The following MRPL15 variants were observed in gnomAD, a reference collection of about 807,000 sequenced individuals.
MRPL15 encodes mitochondrial ribosomal protein L15.
A neutral mutation model predicts 28.0 loss-of-function variants in MRPL15; 24 were observed. That is an observed-to-expected ratio of 0.86 (90% CI 0.62 to 1.21). The LOEUF (loss-of-function observed/expected upper bound fraction) is 1.21, where lower values mean the gene tolerates loss of function less well. Ranked by LOEUF, MRPL15 falls within the 50% of genes most tolerant of loss-of-function variation. The pLI, the probability that MRPL15 is intolerant of heterozygous loss-of-function variation, is 0.00. For missense variants in MRPL15, 343 were observed against 372.4 expected, an observed-to-expected ratio of 0.92 and a Z score of 0.65; for synonymous variants, 124 against 137.0, an observed-to-expected ratio of 0.90 and a Z score of 0.66.
At chr8:54,140,574 CTTTTTT>C (rs71551976) in intron 3 of MRPL15, among the ~76,000 whole-genome samples, 12,474 of 99,616 alleles carry the variant, frequency 0.13, 1,709 homozygotes, top group African/African-American at 0.36. Context: ...ATTTTCTTTT[CTTTTTT>C]TTTTTTTTTT....
intron 3 of MRPL15, among the ~76,000 whole-genome samples, chr8:54,138,519 A>T (rs939328883): frequency 6.7e-6 from 1 of 150,358 alleles, no homozygotes; most frequent in Non-Finnish European, 1.5e-5. Context: ...GGGTTTTGCT[A>T]TGTTGGCCAG....
At chr8:54,142,938 A>G (rs1810956099) in intron 4 of MRPL15, 152 bp downstream of exon 4, 1 of 1,163,212 alleles carries the variant, frequency 8.6e-7, no homozygotes, top group Non-Finnish European at 1.2e-6. Context: ...TTTAAAGAAT[A>G]CAGCCTGTTG....
chr8:54,137,541 C>A, intron 3 of MRPL15, 108 bp downstream of exon 3: 1 of 952,610 alleles, frequency 1.0e-6, no homozygotes, highest in Non-Finnish European at 1.6e-6. Context: ...TCGGCTCCTG[C>A]AACCTCCACC....
chr8:54,138,444 A>C (rs1289871596), intron 3 of MRPL15, among the ~76,000 whole-genome samples: 2 of 150,358 alleles, frequency 1.3e-5, no homozygotes, highest in African/African-American at 4.9e-5. Flanking sequence ...CAGCCTCCTG[A>C]GTAGGTGGGA....
rs1244531960 is a variant in MRPL15, at chr8:54,148,258, A to G, written c.*539A>G. Among the ~76,000 whole-genome samples the G allele has an allele frequency of 6.6e-6, 1 of 152,236 alleles. No individual in the cohort carries two copies. Among genetic ancestry groups the G allele is most frequent in the Non-Finnish European group, 1.5e-5 (1 of 68,046 alleles). ...CTGGTAGGCAGTATGTTTGCCAGTG[A>G]CATTGAAGGTGAGAGAAACAAAAAT... On this transcript the variant is annotated 3_prime_UTR_variant, in exon 5 of 5. Transcript: ENST00000260102.
intron 4 of MRPL15, among the ~76,000 whole-genome samples, chr8:54,143,670 G>A (rs1390431867): frequency 6.6e-6 from 1 of 152,152 alleles, no homozygotes; most frequent in Non-Finnish European, 1.5e-5. Context: ...AGCATGGACT[G>A]TCACTCCTTT....
intron 3 of MRPL15, among the ~76,000 whole-genome samples, chr8:54,137,877 C>T (rs1810855233): frequency 6.6e-6 from 1 of 151,920 alleles, no homozygotes; most frequent in African/African-American, 2.4e-5. Context: ...GGAAAGCTGT[C>T]ATACTATCAT....
intron 4 of MRPL15, among the ~76,000 whole-genome samples, chr8:54,146,185 G>A (rs1811041992): frequency 6.6e-6 from 1 of 152,206 alleles, no homozygotes; most frequent in African/African-American, 2.4e-5. Flanking sequence ...GTGGCCTCAC[G>A]CCTGTAATCC....
At chr8:54,141,981 A>T (rs1010531487) in intron 3 of MRPL15, among the ~76,000 whole-genome samples, 8 of 149,926 alleles carry the variant, frequency 5.3e-5, no homozygotes, top group African/African-American at 2.0e-4. Context: ...GCCTCGAAAT[A>T]GCTGGGATTA....
intron 4 of MRPL15, among the ~76,000 whole-genome samples, chr8:54,143,221 C>T (rs1469508787): frequency 1.3e-5 from 2 of 152,128 alleles, no homozygotes; most frequent in African/African-American, 4.8e-5. Context: ...GCTGGGGTTA[C>T]AGGTGCCTGC....
In MRPL15 at chr8:54,137,360, C is replaced by T. The variant is rs1440452455; in HGVS notation, c.356C>T (p.Thr119Ile). Reference sequence around the variant, plus strand: ...GATCCTAGTCAACCTATTGACTTAACCCAGCTTGTCAATGGGAGAGGTGTG... The same window carrying T: ...GATCCTAGTCAACCTATTGACTTAATCCAGCTTGTCAATGGGAGAGGTGTG... ...RVDPSQPIDL[T>I]QLVNGRGVTI... Residue 119 changes from threonine to isoleucine, a missense_variant, in exon 3 of 5, where the codon ACC becomes ATC. By Grantham distance (89) the Thr-to-Ile change is moderately conservative (BLOSUM62 -1). Coordinates refer to ENST00000260102, the MANE Select transcript of MRPL15 (RefSeq NM_014175.4). 1 of 1,613,968 alleles carries T rather than the reference C, an allele frequency of 6.2e-7. No homozygotes were observed. Among genetic ancestry groups the T allele is most frequent in the Admixed American group, 1.7e-5 (1 of 60,002 alleles).
Position 54,147,537 on chromosome 8 carries a change from G to T in MRPL15, c.709G>T (p.Ala237Ser), listed in dbSNP as rs755268678. 11 of 1,614,038 alleles carry T rather than the reference G, an allele frequency of 6.8e-6. No homozygotes were observed. The highest frequency in any genetic ancestry group is 2.2e-5 in the South Asian group (2 of 91,072). Residue 237 changes from alanine to serine, a missense_variant, in exon 5 of 5, where the codon GCC (alanine) becomes TCC (serine). Physicochemically the swap from Ala to Ser is moderately conservative, Grantham distance 99. Transcript: ENST00000260102. ...ATTTCCTGAAGCACGACTTGAACTC[G>T]CCAGGAAGTATGGTTATATCTTACC... Reference protein sequence around the residue: ...AKFPEARLELARKYGYILPDI... With the variant: ...AKFPEARLELSRKYGYILPDI...
intron 3 of MRPL15, among the ~76,000 whole-genome samples, chr8:54,139,984 T>C (rs1046847676): frequency 2.0e-5 from 3 of 152,142 alleles, no homozygotes; most frequent in Non-Finnish European, 2.9e-5. Context: ...TTTAAACATA[T>C]ACCAGTATTG....
rs1209853778 is a variant in MRPL15, at chr8:54,140,820, G to A, written c.430-1843G>A. On this transcript the variant is annotated intron_variant, in intron 3 of 4. Transcript: ENST00000260102. Reference sequence around the variant, plus strand: ...GGTGGTCTTGATCTTCTGACCTCGTGATCCACCCGCCTTGGCCTCCCAAAA... The same window carrying A: ...GGTGGTCTTGATCTTCTGACCTCGTAATCCACCCGCCTTGGCCTCCCAAAA... Among the ~76,000 whole-genome samples, 3 of 149,568 alleles carry A rather than the reference G, an allele frequency of 2.0e-5. No homozygotes were observed. In the East Asian group the frequency reaches 6.2e-4, roughly 31 times the overall value.
intron 3 of MRPL15, 100 bp from the exon 4 acceptor site, chr8:54,142,563 G>T (rs1810947531): frequency 1.5e-5 from 20 of 1,376,822 alleles, no homozygotes; most frequent in Middle Eastern, 2.6e-4. Flanking sequence ...TATGTTATAG[G>T]CACTTTGGAG....
rs143290279 is a variant in MRPL15, at chr8:54,136,591, C to T, written c.189C>T (p.Pro63=). 40 of 1,614,094 alleles carry T rather than the reference C, an allele frequency of 2.5e-5. No homozygotes were observed. The highest frequency in any genetic ancestry group is 3.1e-5 in the Non-Finnish European group (36 of 1,180,042). Residue 63 remains proline, a synonymous_variant, in exon 2 of 5, where the codon CCC becomes CCT. Coordinates refer to ENST00000260102, the MANE Select transcript of MRPL15 (RefSeq NM_014175.4). ...GAGAAAGGCAAAGAGGAACCCGGCC[C>T]CGCTTGGGCTTTGAGGGAGGCCAGA... ...HKGERQRGTR[P]RLGFEGGQTP... is the part of the protein sequence containing the mutation.
At position 54,137,265 on chromosome 8, in the gene MRPL15, C is replaced by T. The variant is rs2129239395; in HGVS notation, c.264-3C>T. 1 of 1,607,948 alleles carries T rather than the reference C, an allele frequency of 6.2e-7. No individual in the cohort carries two copies. The highest frequency in any genetic ancestry group is 2.2e-5 in the East Asian group (1 of 44,844). On this transcript the variant is annotated splice_polypyrimidine_tract_variant and splice_region_variant and intron_variant, in intron 2 of 4. Coordinates refer to ENST00000260102, the MANE Select transcript of MRPL15 (RefSeq NM_014175.4). ...TTCCAACTCTTACATTCTTGTTTTA[C>T]AGTTTCAGACGCCAGTATAAGCCTT...
At chr8:54,141,294 G>C (rs1337942880) in intron 3 of MRPL15, among the ~76,000 whole-genome samples, 1 of 152,114 alleles carries the variant, frequency 6.6e-6, no homozygotes, top group East Asian at 1.9e-4. Context: ...ATGAAAGTCG[G>C]TATTTCCGAT....
intron 1 of MRPL15, 149 bp downstream of exon 1, chr8:54,135,540 A>G: frequency 2.2e-6 from 1 of 465,042 alleles, no homozygotes; most frequent in Non-Finnish European, 3.7e-6. Context: ...CTTACTGCCC[A>G]GAGGGGAATC....
Sources: allele counts gnomAD v4.1 joint callset (sites outside exome capture counted in the v4.1 genomes callset), GRCh38; gene constraint gnomAD v4.1.1; transcripts MANE v1.5; gene names NCBI Gene and HGNC (gene_info 2026-07-23, HGNC 2026-07-21).